Variants in SLC14A2 observed in about 807,000 individuals in gnomAD.
SLC14A2 encodes solute carrier family 14 member 2.
In SLC14A2, 91 loss-of-function variants were observed where a neutral mutation model predicts 104.6. That is an observed-to-expected ratio of 0.87 (90% CI 0.73 to 1.04). The LOEUF is 1.04. SLC14A2 is among the 50% of genes least tolerant of loss of function. SLC14A2 has a pLI of 0.00. For missense variants in SLC14A2, 1,189 were observed against 1,156.0 expected, an observed-to-expected ratio of 1.03 and a Z score of -0.41; for synonymous variants, 476 against 466.4, an observed-to-expected ratio of 1.02 and a Z score of -0.27.
At chr18:45,220,791 G>T (rs762868788) in intron 1 of SLC14A2, among the ~76,000 whole-genome samples, 1 of 152,134 alleles carries the variant, frequency 6.6e-6, no homozygotes, top group Non-Finnish European at 1.5e-5. Context: ...TTAAGCAACA[G>T]AAATTTATTT....
the SLC14A2 span, among the ~76,000 whole-genome samples, chr18:45,186,959 C>T: frequency 2.8e-4 from 42 of 152,186 alleles, no homozygotes; most frequent in African/African-American, 9.9e-4. Flanking sequence ...CTCTCCTTCA[C>T]GAGATTCCTT....
At chr18:45,354,248 A>C (rs1217037710) in intron 1 of SLC14A2, among the ~76,000 whole-genome samples, 1 of 152,202 alleles carries the variant, frequency 6.6e-6, no homozygotes, top group Non-Finnish European at 1.5e-5. Flanking sequence ...ACTTGTTAGC[A>C]TTCTATTTAC....
intron 1 of SLC14A2, among the ~76,000 whole-genome samples, chr18:45,296,075 T>C (rs1324456897): frequency 2.0e-5 from 3 of 152,186 alleles, no homozygotes; most frequent in Admixed American, 1.3e-4. Context: ...TTGGAAGTAA[T>C]TTTTGAAGCC....
intron 1 of SLC14A2, among the ~76,000 whole-genome samples, chr18:45,260,964 C>G (rs1382728757): frequency 6.6e-6 from 1 of 152,122 alleles, no homozygotes; most frequent in African/African-American, 2.4e-5. Flanking sequence ...TGTAACAAAC[C>G]TGCACGTGTA....
intron 1 of SLC14A2, among the ~76,000 whole-genome samples, chr18:45,420,433 C>A (rs752960764): frequency 6.6e-6 from 1 of 152,058 alleles, no homozygotes; most frequent in Non-Finnish European, 1.5e-5. Context: ...CAGATCCACA[C>A]GAGGATGGTG....
the SLC14A2 span, among the ~76,000 whole-genome samples, chr18:45,207,192 C>G: frequency 6.6e-6 from 1 of 151,904 alleles, no homozygotes; most frequent in African/African-American, 2.4e-5. Context: ...TAAAATATCA[C>G]ACTTTAGTCA....
At chr18:45,412,683 G>A (rs1429628846) in intron 1 of SLC14A2, among the ~76,000 whole-genome samples, 1 of 152,186 alleles carries the variant, frequency 6.6e-6, no homozygotes, top group Non-Finnish European at 1.5e-5. Flanking sequence ...CACACATCAT[G>A]GTGGATGAGC....
chr18:45,659,634 C>T (rs72910336), intron 10 of SLC14A2, among the ~76,000 whole-genome samples: 54 of 152,196 alleles, frequency 3.5e-4, no homozygotes, highest in Non-Finnish European at 6.5e-4. Context: ...CCAAGTAACA[C>T]TAGAAATAAT....
intron 6 of SLC14A2, among the ~76,000 whole-genome samples, chr18:45,637,970 A>G (rs900129020): frequency 3.3e-5 from 5 of 152,204 alleles, no homozygotes; most frequent in East Asian, 1.9e-4. Flanking sequence ...ACAGCTCACC[A>G]GGCTGAAATA....
At chr18:45,514,905 C>T (rs1352134394) in intron 2 of SLC14A2, among the ~76,000 whole-genome samples, 1 of 152,106 alleles carries the variant, frequency 6.6e-6, no homozygotes, top group East Asian at 1.9e-4. Flanking sequence ...TTATTTCTAC[C>T]TATCATGGCT....
At chr18:45,601,174 G>A (rs1259272879) in intron 2 of SLC14A2, among the ~76,000 whole-genome samples, 1 of 152,186 alleles carries the variant, frequency 6.6e-6, no homozygotes, top group Admixed American at 6.5e-5. Context: ...AGAATGCGCG[G>A]CCCAACCTAC....
chr18:45,392,475 T>C lies in SLC14A2; in HGVS notation c.-124-90758T>C, dbSNP rs1049728882. Reference sequence around the variant, plus strand: ...ATATTCACCCAGCCTTCACCATAGCTCTGTTTAAAACAGGTCAGAATGTAA... The same window carrying C: ...ATATTCACCCAGCCTTCACCATAGCCCTGTTTAAAACAGGTCAGAATGTAA... On this transcript the variant is annotated intron_variant, in intron 1 of 20. Transcript: ENST00000586448. Among the ~76,000 whole-genome samples the C allele has an allele frequency of 2.0e-5, 3 of 152,182 alleles. No homozygotes were observed. The East Asian group carries it at 5.8e-4, about 29-fold the overall frequency.
At chr18:45,442,074 C>T (rs1343709593) in intron 1 of SLC14A2, among the ~76,000 whole-genome samples, 1 of 152,134 alleles carries the variant, frequency 6.6e-6, no homozygotes, top group Non-Finnish European at 1.5e-5. Flanking sequence ...CCTTTCCTAG[C>T]TTTTACCAAC....
At chr18:45,285,743 T>A (rs1209709735) in intron 1 of SLC14A2, among the ~76,000 whole-genome samples, 1 of 148,234 alleles carries the variant, frequency 6.7e-6, no homozygotes, top group African/African-American at 2.4e-5. Context: ...TGAATTTATC[T>A]GCTGACAAAG....
At chr18:45,213,816 G>T (rs560778948) in intron 1 of SLC14A2, among the ~76,000 whole-genome samples, 1 of 152,248 alleles carries the variant, frequency 6.6e-6, no homozygotes, top group Non-Finnish European at 1.5e-5. Context: ...TATACAATTT[G>T]GGGGAAAGTA....
At chr18:45,405,179 C>T (rs978653842) in intron 1 of SLC14A2, among the ~76,000 whole-genome samples, 4 of 152,088 alleles carry the variant, frequency 2.6e-5, no homozygotes, top group Admixed American at 1.3e-4. Context: ...GCAGGAGAGC[C>T]GTCTGAGAAT....
intron 1 of SLC14A2, among the ~76,000 whole-genome samples, chr18:45,414,751 AAAAAAAATATATATATATATATATATAT>A (rs1318439902): frequency 0.052 from 3,716 of 70,890 alleles, 297 homozygotes; most frequent in African/African-American, 0.15. Flanking sequence ...GCGTAAAAAA[AAAAAAAATATATATATATATATATATAT>A]ATATATATAT....
chr18:45,557,128 T>A (rs1211501588), intron 2 of SLC14A2, among the ~76,000 whole-genome samples: 2 of 152,234 alleles, frequency 1.3e-5, no homozygotes, highest in East Asian at 1.9e-4. Flanking sequence ...GAAGCCAATA[T>A]CCTTTGCATT....
chr18:45,495,485 C>G (rs532335157), intron 2 of SLC14A2, among the ~76,000 whole-genome samples: 2 of 152,204 alleles, frequency 1.3e-5, no homozygotes, highest in African/African-American at 4.8e-5. Flanking sequence ...CCCGGTGATC[C>G]TACAAAGCAA....
Sources: gnomAD v4.1 joint callset for allele counts (sites outside exome capture counted in the v4.1 genomes callset) on GRCh38, gnomAD v4.1.1 for gene constraint, MANE v1.5 for transcripts, NCBI Gene and HGNC (gene_info 2026-07-23, HGNC 2026-07-21) for gene names.